WDFY1: variants seen among roughly 807,000 people sequenced by gnomAD.
The protein encoded by WDFY1 is WD repeat and FYVE domain-containing protein 1.
WDFY1 carries 32 observed loss-of-function variants against 56.4 expected under a neutral mutation model. That is an observed-to-expected ratio of 0.57 (90% CI 0.43 to 0.76). The LOEUF (loss-of-function observed/expected upper bound fraction) is 0.76, where lower values mean the gene tolerates loss of function less well. Among genes scored for constraint, WDFY1 ranks in the 30% least tolerant of loss-of-function variants. WDFY1 has a pLI of 0.00. For synonymous variants in WDFY1, 192 were observed against 197.3 expected, an observed-to-expected ratio of 0.97 and a Z score of 0.23; for missense variants, 480 against 545.7, an observed-to-expected ratio of 0.88 and a Z score of 1.20.
chr2:223,899,144 G>T, intron 5 of WDFY1, 74 bp from the exon 6 acceptor site: 2 of 1,199,238 alleles, frequency 1.7e-6, no homozygotes, highest in Non-Finnish European at 1.2e-6. Context: ...ACCAGCATTA[G>T]TCAAAGTTAG....
chr2:223,936,303 C>G (rs1181479556), intron 1 of WDFY1, among the ~76,000 whole-genome samples: 1 of 152,052 alleles, frequency 6.6e-6, no homozygotes, highest in East Asian at 1.9e-4. Context: ...CTCAAGCAAT[C>G]TGCCTGCCTC....
At position 223,902,222 on chromosome 2, in the gene WDFY1, T is replaced by C. The variant is rs115107387; in HGVS notation, c.335-889A>G. Among the ~76,000 whole-genome samples, 1,185 of 152,330 alleles carry C rather than the reference T, an allele frequency of 7.8e-3. 6 individuals carry two copies. Among genetic ancestry groups the C allele is most frequent in the Non-Finnish European group, 0.012 (797 of 68,032 alleles). Reference sequence around the variant, plus strand: ...TAAAAGGTTACACTGAACAATTAAATACTCATGAAGGATTCTGAAACTTAA... The same window carrying C: ...TAAAAGGTTACACTGAACAATTAAACACTCATGAAGGATTCTGAAACTTAA... On this transcript the variant is annotated intron_variant, in intron 4 of 11. Coordinates refer to ENST00000233055, the MANE Select transcript of WDFY1 (RefSeq NM_020830.5).
intron 2 of WDFY1, among the ~76,000 whole-genome samples, chr2:223,916,019 A>G (rs562493085): frequency 7.2e-5 from 11 of 152,294 alleles, no homozygotes; most frequent in South Asian, 2.1e-4. Flanking sequence ...TGGCACAATA[A>G]ATTATGATCA....
intron 1 of WDFY1, among the ~76,000 whole-genome samples, chr2:223,932,798 T>TG (rs1395009707): frequency 6.6e-6 from 1 of 151,914 alleles, no homozygotes; most frequent in Non-Finnish European, 1.5e-5. Flanking sequence ...TTGGTAAATC[T>TG]GTGAACATTT....
chr2:223,930,828 G>C (rs369744517), intron 1 of WDFY1, among the ~76,000 whole-genome samples: 1 of 152,126 alleles, frequency 6.6e-6, no homozygotes, highest in African/African-American at 2.4e-5. Flanking sequence ...AGCCATCCTC[G>C]GCCCGCCTGT....
At chr2:223,922,780 G>T (rs978675511) in intron 1 of WDFY1, among the ~76,000 whole-genome samples, 2 of 152,158 alleles carry the variant, frequency 1.3e-5, no homozygotes, top group African/African-American at 2.4e-5. Context: ...AATCTTAAAG[G>T]TTGTCTCTTC....
chr2:223,932,009 T>TC (rs960474008), intron 1 of WDFY1, among the ~76,000 whole-genome samples: 3 of 151,270 alleles, frequency 2.0e-5, no homozygotes, highest in African/African-American at 7.3e-5. Context: ...TTTTTTTTTT[T>TC]CCCCATACCA....
At chr2:223,888,586 ATTTTT>A (rs71058954) in intron 8 of WDFY1, among the ~76,000 whole-genome samples, 1 of 131,394 alleles carries the variant, frequency 7.6e-6, no homozygotes, top group African/African-American at 2.9e-5. Context: ...TAAATTCTCA[ATTTTT>A]TTTTTTTTTT....
chr2:223,879,296 A>G (rs77123724), intron 11 of WDFY1, among the ~76,000 whole-genome samples: 2 of 152,244 alleles, frequency 1.3e-5, no homozygotes, highest in African/African-American at 4.8e-5. Flanking sequence ...ATGTTTTAGT[A>G]TAAATTCAAT....
In WDFY1 at chr2:223,894,318, G is replaced by A; in HGVS notation, c.747C>T (p.Cys249=). 1 of 1,614,150 alleles carries A rather than the reference G, an allele frequency of 6.2e-7. No homozygotes were observed. The highest frequency in any genetic ancestry group is 1.3e-5 in the African/African-American group (1 of 75,046). The change falls in exon 8 of 12, where the codon TGC becomes TGT. Residue 249 remains cysteine (C), a synonymous_variant. Transcript: ENST00000233055. ...CGAGCTGCCTGGTGAGCTGAAGGTA[G>A]CACAGCGACTGCACCTTGTCACTGC... ...QGHHDKVQSL[C]YLQLTRQLVS...
At chr2:223,897,382 A>T (rs750592149) in intron 6 of WDFY1, among the ~76,000 whole-genome samples, 68,053 of 106,224 alleles carry the variant, frequency 0.64, 21,503 homozygotes, top group South Asian at 0.72. Context: ...ATATATATAT[A>T]TATATATATT....
chr2:223,913,098 G>A (rs1003243082), intron 2 of WDFY1, among the ~76,000 whole-genome samples: 4 of 151,754 alleles, frequency 2.6e-5, no homozygotes, highest in African/African-American at 4.8e-5. Context: ...CATAAAAGAC[G>A]GGTGGGTAGG....
intron 6 of WDFY1, among the ~76,000 whole-genome samples, chr2:223,897,329 C>A (rs1203430818): frequency 7.0e-5 from 10 of 142,438 alleles, no homozygotes; most frequent in African/African-American, 2.6e-4. Context: ...ATAGTTTAGA[C>A]ATGTGTCCCC....
intron 9 of WDFY1, among the ~76,000 whole-genome samples, chr2:223,883,046 A>C (rs1308850607): frequency 6.6e-6 from 1 of 152,012 alleles, no homozygotes; most frequent in Non-Finnish European, 1.5e-5. Context: ...TTTTAAAATA[A>C]GTTTTATTTA....
intron 1 of WDFY1, among the ~76,000 whole-genome samples, chr2:223,935,220 T>G (rs911705494): frequency 6.6e-6 from 1 of 152,142 alleles, no homozygotes; most frequent in Non-Finnish European, 1.5e-5. Context: ...TGACGCTAAG[T>G]GTCTAAATCA....
At chr2:223,938,475 A>G (rs548462453) in intron 1 of WDFY1, among the ~76,000 whole-genome samples, 4 of 152,348 alleles carry the variant, frequency 2.6e-5, no homozygotes, top group Non-Finnish European at 5.9e-5. Context: ...CCTACCAGGA[A>G]AGTCACCACT....
At chr2:223,891,183 C>T (rs1054340908) in intron 8 of WDFY1, among the ~76,000 whole-genome samples, 4 of 151,958 alleles carry the variant, frequency 2.6e-5, no homozygotes, top group Non-Finnish European at 5.9e-5. Flanking sequence ...CGTGACCAGC[C>T]TGGTCAACAT....
chr2:223,937,269 G>A (rs920610430), intron 1 of WDFY1, among the ~76,000 whole-genome samples: 1 of 152,108 alleles, frequency 6.6e-6, no homozygotes, highest in Admixed American at 6.5e-5. Context: ...TTATTCACGT[G>A]CACACACAAA....
chr2:223,945,070 AC>A (rs1382090885), intron 1 of WDFY1, 77 bp downstream of exon 1: 12 of 1,460,672 alleles, frequency 8.2e-6, no homozygotes, highest in Non-Finnish European at 1.1e-5. Flanking sequence ...CGCAGGAAGG[AC>A]CGGGGCCGCG....
Sources: allele counts gnomAD v4.1 joint callset (sites outside exome capture counted in the v4.1 genomes callset), GRCh38; gene constraint gnomAD v4.1.1; transcripts MANE v1.5; gene names NCBI Gene and HGNC (gene_info 2026-07-23, HGNC 2026-07-21).